The following GLB1 variants were observed in gnomAD, a reference collection of about 807,000 sequenced individuals.
GLB1 encodes the protein beta-galactosidase.
GLB1 carries 56 observed loss-of-function variants against 74.0 expected under a neutral mutation model. The ratio of observed to expected loss-of-function variants is 0.76; its 90% confidence interval spans 0.61 to 0.94. The LOEUF (loss-of-function observed/expected upper bound fraction) is 0.94, where lower values mean the gene tolerates loss of function less well. GLB1 is among the 40% of genes least tolerant of loss of function. The pLI is 0.00. For missense variants in GLB1, 787 were observed against 845.5 expected (o/e 0.93, Z 0.86); for synonymous variants, 323 against 323.6 (o/e 1.00, Z 0.02).
At chr3:33,092,270 T>C (rs1007623049) in intron 1 of GLB1, 78 of 986,290 alleles carry the variant, frequency 7.9e-5, no homozygotes, top group Non-Finnish European at 9.0e-5. Flanking sequence ...ATGCCCTCAA[T>C]AGAGGTGATC....
intron 1 of GLB1, among the ~76,000 whole-genome samples, 197 bp from the exon 2 acceptor site, chr3:33,072,910 C>T (rs1699938629): frequency 6.6e-6 from 1 of 152,122 alleles, no homozygotes; most frequent in South Asian, 2.1e-4. Context: ...GAGAAATCAT[C>T]TAAGAGGATC....
chr3:32,984,624 A>T, the GLB1 span, among the ~76,000 whole-genome samples: 3,396 of 151,888 alleles, frequency 0.022, 130 homozygotes, highest in African/African-American at 0.076. Flanking sequence ...TTAAAAATTT[A>T]AAAAATTAGC....
chr3:33,052,098 G>A (rs1233424634), intron 7 of GLB1, 94 bp from the exon 8 acceptor site: 4 of 1,595,784 alleles, frequency 2.5e-6, no homozygotes, highest in South Asian at 1.1e-5. Flanking sequence ...CAGGTGTAAA[G>A]GGGGTTGACA....
intron 4 of GLB1, among the ~76,000 whole-genome samples, chr3:33,065,813 C>T (rs553230010): frequency 6.6e-6 from 1 of 151,786 alleles, no homozygotes; most frequent in African/African-American, 2.4e-5. Context: ...ACTAAAAATG[C>T]AAAATTAGCC....
At chr3:33,078,740 G>A (rs113179394) in intron 1 of GLB1, among the ~76,000 whole-genome samples, 5 of 152,232 alleles carry the variant, frequency 3.3e-5, no homozygotes, top group African/African-American at 1.2e-4. Context: ...ATAAGGTATG[G>A]TACAATATTC....
rs150696712 is a variant in GLB1 at position 33,043,077 on chromosome 3, C to T, written c.1068+3043G>A. 2.4e-3 allele frequency among the ~76,000 whole-genome samples: 365 copies of T among 152,172 alleles called. 1 individual carries two copies. The highest frequency in any genetic ancestry group is 8.2e-3 in the African/African-American group (340 of 41,504). On this transcript the variant is annotated intron_variant, in intron 10 of 15. Transcript: ENST00000307363. ...GAATTAAAATACATGACAATAATAA[C>T]ATACAAATCAAGAGGGCTGTAATTG...
intron 1 of GLB1, among the ~76,000 whole-genome samples, chr3:33,079,429 G>A (rs67610587): frequency 0.48 from 73,161 of 152,058 alleles, 20,876 homozygotes; most frequent in Non-Finnish European, 0.62. Flanking sequence ...TTAGCAAGAG[G>A]AGGGCATTGA....
chr3:33,074,365 G>GAAAGAAAGA (rs1559412830), intron 1 of GLB1, among the ~76,000 whole-genome samples: 396 of 10,030 alleles, frequency 0.039, 52 homozygotes, highest in African/African-American at 0.11. Flanking sequence ...AGGAAGGAAG[G>GAAAGAAAGA]AAGGAAGGAA....
At chr3:33,080,323 G>A (rs1218447091) in intron 1 of GLB1, among the ~76,000 whole-genome samples, 7 of 152,112 alleles carry the variant, frequency 4.6e-5, no homozygotes, top group Non-Finnish European at 8.8e-5. Flanking sequence ...CAGGTAATCC[G>A]CCGCCTCGGC....
chr3:33,006,314 T>C (rs1300899518), intron 15 of GLB1, among the ~76,000 whole-genome samples: 1 of 152,150 alleles, frequency 6.6e-6, no homozygotes, highest in Non-Finnish European at 1.5e-5. Context: ...AGGAACCCTA[T>C]TGTGAACTGC....
chr3:33,060,570 T>C (rs1314054789), intron 5 of GLB1, among the ~76,000 whole-genome samples: 1 of 152,224 alleles, frequency 6.6e-6, no homozygotes, highest in Admixed American at 6.5e-5. Context: ...TCTCTTGAGC[T>C]CACCCCCATG....
chr3:32,987,601 C>T, the GLB1 span, among the ~76,000 whole-genome samples: 3 of 152,184 alleles, frequency 2.0e-5, no homozygotes, highest in East Asian at 5.8e-4. Context: ...CATGAGACTG[C>T]ATTGAACTGT....
At chr3:33,033,995 A>G (rs761806733) in intron 10 of GLB1, 19 of 553,842 alleles carry the variant, frequency 3.4e-5, no homozygotes, top group Non-Finnish European at 6.9e-5. Flanking sequence ...AGTGCACAAC[A>G]GAGGGCAGAT....
intron 1 of GLB1, among the ~76,000 whole-genome samples, chr3:33,079,750 G>C (rs1168093568): frequency 1.3e-5 from 2 of 152,160 alleles, no homozygotes; most frequent in Non-Finnish European, 2.9e-5. Flanking sequence ...CTTTGGGAGG[G>C]ATATAGGGTG....
At chr3:33,001,903 C>G (rs891294079) in intron 15 of GLB1, among the ~76,000 whole-genome samples, 3 of 152,152 alleles carry the variant, frequency 2.0e-5, no homozygotes, top group Non-Finnish European at 2.9e-5. Flanking sequence ...ATGAAAAACA[C>G]TTTAATATAA....
At chr3:33,074,570 G>A (rs1700039741) in intron 1 of GLB1, among the ~76,000 whole-genome samples, 1 of 150,374 alleles carries the variant, frequency 6.7e-6, no homozygotes, top group Non-Finnish European at 1.5e-5. Context: ...GAGCTAAAAT[G>A]TTAGGATTTT....
chr3:33,015,960 G>A (rs754441536), intron 14 of GLB1, among the ~76,000 whole-genome samples: 7 of 152,086 alleles, frequency 4.6e-5, no homozygotes, highest in African/African-American at 7.3e-5. Context: ...GGGGCATCTC[G>A]CGGAGTGGGA....
chr3:33,094,393 C>A (rs1431522415), intron 1 of GLB1: 2 of 1,342,480 alleles, frequency 1.5e-6, no homozygotes, highest in African/African-American at 1.5e-5. Context: ...TCTGCCCAAC[C>A]CACCTTGAAT....
intron 10 of GLB1, among the ~76,000 whole-genome samples, chr3:33,042,513 G>A (rs942782998): frequency 1.1e-4 from 17 of 151,002 alleles, no homozygotes; most frequent in African/African-American, 2.9e-4. Flanking sequence ...GACTACAGGC[G>A]CCCGCCACTA....
Sources: gnomAD v4.1 joint callset for allele counts (sites outside exome capture counted in the v4.1 genomes callset) on GRCh38, gnomAD v4.1.1 for gene constraint, MANE v1.5 for transcripts, NCBI Gene and HGNC (gene_info 2026-07-23, HGNC 2026-07-21) for gene names.